Variants in EYA3 observed in about 807,000 individuals in gnomAD.
EYA3 encodes protein phosphatase EYA3.
In EYA3, 39 loss-of-function variants were observed where a neutral mutation model predicts 80.0. That is an observed-to-expected ratio of 0.49 (90% CI 0.38 to 0.64). EYA3 has a LOEUF of 0.64. Ranked by LOEUF, EYA3 falls within the 30% of genes least tolerant of loss-of-function variation. EYA3 has a pLI of 0.00. For missense variants in EYA3, 523 were observed against 676.1 expected, an observed-to-expected ratio of 0.77 and a Z score of 2.51; for synonymous variants, 206 against 232.8, an observed-to-expected ratio of 0.88 and a Z score of 1.05.
intron 8 of EYA3, among the ~76,000 whole-genome samples, chr1:28,014,589 ATGG>A (rs978530855): frequency 6.6e-6 from 1 of 151,916 alleles, no homozygotes; most frequent in Non-Finnish European, 1.5e-5. Flanking sequence ...TTAGCCAGGT[ATGG>A]TGGCATGCAC....
At chr1:28,053,654 C>T (rs115549190) in intron 2 of EYA3, among the ~76,000 whole-genome samples, 3,098 of 152,236 alleles carry the variant, frequency 0.02, 50 homozygotes, top group Non-Finnish European at 0.032. Context: ...AGGATGCTGG[C>T]TGAATAAACT....
At chr1:28,041,559 CAT>C (rs1643780754) in intron 4 of EYA3, among the ~76,000 whole-genome samples, 1 of 128,970 alleles carries the variant, frequency 7.8e-6, no homozygotes, top group South Asian at 2.5e-4. Flanking sequence ...TCTCAAAAAA[CAT>C]AAAAAAAAAA....
At chr1:28,079,876 T>C (rs373446532) in intron 1 of EYA3, among the ~76,000 whole-genome samples, 1 of 151,504 alleles carries the variant, frequency 6.6e-6, no homozygotes, top group East Asian at 2.0e-4. Flanking sequence ...GTGATCCTCC[T>C]ACTTCAGCCT....
intron 6 of EYA3, among the ~76,000 whole-genome samples, chr1:28,030,075 G>C (rs1643041729): frequency 6.6e-6 from 1 of 152,086 alleles, no homozygotes; most frequent in Non-Finnish European, 1.5e-5. Context: ...TCATTTATTT[G>C]CTCCTACTCT....
At chr1:28,027,165 T>C (rs1025262854) in intron 7 of EYA3, among the ~76,000 whole-genome samples, 2 of 152,194 alleles carry the variant, frequency 1.3e-5, no homozygotes, top group Admixed American at 6.5e-5. Context: ...TTTGGAAGAA[T>C]AGGCAATTAA....
Position 28,040,863 on chromosome 1 carries a change from G to C in EYA3, c.157+1708C>G, listed in dbSNP as rs548440555. Among the ~76,000 whole-genome samples the C allele has an allele frequency of 8.8e-4, 131 of 148,396 alleles. 2 individuals carry two copies. Among genetic ancestry groups the C allele is most frequent in the African/African-American group, 3.1e-3 (124 of 40,256 alleles). On this transcript the variant is annotated intron_variant, in intron 4 of 17. Transcript: ENST00000373871. The stretch of plus-strand genomic sequence containing the variant: ...GCCAAGGGCGGAGGGGCAGGGGGGG[G>C]TCGGGGGAGCAGTGTTTATGTTTTA...
intron 5 of EYA3, among the ~76,000 whole-genome samples, chr1:28,036,597 G>A (rs868602308): frequency 1.3e-5 from 2 of 152,200 alleles, no homozygotes; most frequent in Non-Finnish European, 1.5e-5. Context: ...TCTCCTCAAT[G>A]ATATTTAAGT....
intron 1 of EYA3, among the ~76,000 whole-genome samples, chr1:28,083,885 T>C (rs1280127625): frequency 6.6e-6 from 1 of 152,244 alleles, no homozygotes; most frequent in African/African-American, 2.4e-5. Flanking sequence ...TATGTATTAC[T>C]GTAACTGTAC....
intron 1 of EYA3, among the ~76,000 whole-genome samples, chr1:28,072,288 T>C (rs1475296149): frequency 1.3e-5 from 2 of 152,220 alleles, no homozygotes; most frequent in African/African-American, 2.4e-5. Context: ...AATTGGATCC[T>C]TGAGTAGAAA....
chr1:28,050,741 T>C (rs1414912977), intron 2 of EYA3, among the ~76,000 whole-genome samples: 1 of 152,158 alleles, frequency 6.6e-6, no homozygotes, highest in Non-Finnish European at 1.5e-5. Context: ...TGAGCAATTA[T>C]GCCCCCCTCT....
chr1:28,035,854 G>A (rs1365985703), intron 5 of EYA3, among the ~76,000 whole-genome samples, 174 bp from the exon 6 acceptor site: 2 of 151,990 alleles, frequency 1.3e-5, no homozygotes, highest in Non-Finnish European at 2.9e-5. Flanking sequence ...TTGCTCTGTC[G>A]CCCAGGCTGG....
chr1:28,024,172 G>C lies in EYA3; in HGVS notation c.499+3617C>G, dbSNP rs72658304. ...AAGATGCGCTTAAACTCGGGAGGTG[G>C]AGGTTGTATTAAGCTGAGATCACGC... On this transcript the variant is annotated intron_variant, in intron 7 of 17. Transcript: ENST00000373871. Among the ~76,000 whole-genome samples, 1,396 of 152,198 alleles carry C rather than the reference G, an allele frequency of 9.2e-3. 10 individuals carry two copies. Among genetic ancestry groups the C allele is most frequent in the African/African-American group, 0.017 (700 of 41,546 alleles).
chr1:28,038,012 T>C (rs888925601), intron 5 of EYA3, among the ~76,000 whole-genome samples: 2 of 152,138 alleles, frequency 1.3e-5, no homozygotes, highest in African/African-American at 4.8e-5. Context: ...CCTACCCACT[T>C]TGGAGATGAA....
At chr1:28,017,580 G>C (rs1642155836) in intron 7 of EYA3, among the ~76,000 whole-genome samples, 1 of 152,138 alleles carries the variant, frequency 6.6e-6, no homozygotes, top group South Asian at 2.1e-4. Flanking sequence ...GCTGAAAAAT[G>C]ACTCACCTGC....
At chr1:28,015,794 G>A (rs1642017560) in intron 8 of EYA3, among the ~76,000 whole-genome samples, 1 of 152,154 alleles carries the variant, frequency 6.6e-6, no homozygotes, top group Non-Finnish European at 1.5e-5. Flanking sequence ...GTAAGGTTGT[G>A]AGAAAAATAA....
chr1:28,066,909 T>A (rs1209584362), intron 1 of EYA3, among the ~76,000 whole-genome samples: 1 of 152,156 alleles, frequency 6.6e-6, no homozygotes, highest in Non-Finnish European at 1.5e-5. Context: ...CCACAGAGAT[T>A]CAATCGGCAC....
intron 17 of EYA3, chr1:27,977,226 G>A: frequency 6.6e-7 from 1 of 1,522,110 alleles, no homozygotes; most frequent in Non-Finnish European, 8.8e-7. Flanking sequence ...TCCCTGAATT[G>A]CTACATAAAG....
chr1:27,999,061 G>GC (rs745760562), intron 12 of EYA3, among the ~76,000 whole-genome samples: 4 of 152,116 alleles, frequency 2.6e-5, no homozygotes, highest in Non-Finnish European at 5.9e-5. Flanking sequence ...GAGCCACCAC[G>GC]CCCAGCCTAT....
At chr1:28,060,833 G>A (rs2148904679) in intron 1 of EYA3, among the ~76,000 whole-genome samples, 1 of 152,286 alleles carries the variant, frequency 6.6e-6, no homozygotes, top group African/African-American at 2.4e-5. Context: ...GGCCAAGATG[G>A]TGAAACCCTG....
Sources: gnomAD v4.1 joint callset for allele counts (sites outside exome capture counted in the v4.1 genomes callset) on GRCh38, gnomAD v4.1.1 for gene constraint, MANE v1.5 for transcripts, NCBI Gene and HGNC (gene_info 2026-07-23, HGNC 2026-07-21) for gene names.